SYT1: variants seen among roughly 807,000 people sequenced by gnomAD.
SYT1 encodes the protein synaptotagmin-1.
Under a neutral mutation model 44.8 loss-of-function variants are expected in SYT1, and 8 were observed. The observed-to-expected ratio is 0.18, with a 90% CI of 0.10 to 0.32. The LOEUF (loss-of-function observed/expected upper bound fraction) is 0.32, where lower values mean the gene tolerates loss of function less well. SYT1 is among the 10% of genes least tolerant of loss of function. The pLI, the probability that SYT1 is intolerant of heterozygous loss-of-function variation, is 1.00. For synonymous variants in SYT1, 154 were observed against 188.8 expected (o/e 0.82, Z 1.51); for missense variants, 286 against 509.3 (o/e 0.56, Z 4.22).
chr12:79,264,581 T>C (rs887022885), intron 4 of SYT1, among the ~76,000 whole-genome samples: 1 of 152,186 alleles, frequency 6.6e-6, no homozygotes, highest in Non-Finnish European at 1.5e-5. Context: ...ATTGAGAGTG[T>C]GTTCAAGCAA....
intron 4 of SYT1, among the ~76,000 whole-genome samples, chr12:79,224,037 A>T: frequency 6.6e-6 from 1 of 152,242 alleles, no homozygotes; most frequent in East Asian, 1.9e-4. Flanking sequence ...ACTACCAGTT[A>T]CTGTGAGCTT....
chr12:79,130,916 A>G (rs1042177407), intron 3 of SYT1, among the ~76,000 whole-genome samples: 6 of 152,114 alleles, frequency 3.9e-5, no homozygotes, highest in Non-Finnish European at 7.4e-5. Context: ...AAACAAATAA[A>G]CACTATAATA....
intron 3 of SYT1, among the ~76,000 whole-genome samples, chr12:79,088,621 C>T (rs756009452): frequency 1.3e-5 from 2 of 151,920 alleles, no homozygotes; most frequent in Non-Finnish European, 2.9e-5. Context: ...CAAGAAGGAA[C>T]CTGATCTAAC....
At chr12:79,249,003 A>G (rs1043366639) in intron 4 of SYT1, among the ~76,000 whole-genome samples, 12 of 148,042 alleles carry the variant, frequency 8.1e-5, no homozygotes, top group African/African-American at 3.0e-4. Context: ...AGCATGTTTC[A>G]TCTCCCAGGC....
intron 9 of SYT1, among the ~76,000 whole-genome samples, chr12:79,366,880 T>A (rs1278175650): frequency 6.7e-6 from 1 of 148,514 alleles, no homozygotes; most frequent in Non-Finnish European, 1.5e-5. Context: ...CCTATATGGC[T>A]GATATAAATA....
At chr12:79,089,804 A>G (rs1565801423) in intron 3 of SYT1, among the ~76,000 whole-genome samples, 1 of 152,102 alleles carries the variant, frequency 6.6e-6, no homozygotes. Context: ...CTCCAAATCA[A>G]ATTGAACCCT....
At chr12:79,189,746 A>G (rs1592837488) in intron 3 of SYT1, among the ~76,000 whole-genome samples, 1 of 152,138 alleles carries the variant, frequency 6.6e-6, no homozygotes, top group Non-Finnish European at 1.5e-5. Flanking sequence ...TCTACTAAAA[A>G]TACAAAAATT....
chr12:79,077,902 A>G (rs11834544), intron 3 of SYT1, among the ~76,000 whole-genome samples: 5,883 of 152,120 alleles, frequency 0.039, 237 homozygotes, highest in African/African-American at 0.097. Context: ...ATAAATTTTT[A>G]CATTTAAATT....
At chr12:79,304,280 G>A (rs951282758) in intron 8 of SYT1, among the ~76,000 whole-genome samples, 2 of 152,144 alleles carry the variant, frequency 1.3e-5, no homozygotes, top group Admixed American at 1.3e-4. Flanking sequence ...GTGTCCAAAC[G>A]CCCTTTTTAA....
intron 3 of SYT1, among the ~76,000 whole-genome samples, chr12:79,063,999 C>T (rs927819541): frequency 5.9e-5 from 9 of 152,282 alleles, no homozygotes; most frequent in Non-Finnish European, 8.8e-5. Context: ...ATCTTCTCTA[C>T]TGGACATGAG....
At chr12:79,112,302 G>A (rs1034198742) in intron 3 of SYT1, among the ~76,000 whole-genome samples, 2 of 152,096 alleles carry the variant, frequency 1.3e-5, no homozygotes, top group African/African-American at 4.8e-5. Flanking sequence ...AGATAATAAT[G>A]AGACGTTGAG....
chr12:78,944,489 T>C (rs1227528850), intron 1 of SYT1, among the ~76,000 whole-genome samples: 1 of 152,018 alleles, frequency 6.6e-6, no homozygotes, highest in Non-Finnish European at 1.5e-5. Flanking sequence ...TCATTTTATC[T>C]TGGGAGTTCA....
chr12:79,052,239 T>C (rs1874557888), intron 3 of SYT1, among the ~76,000 whole-genome samples: 1 of 152,068 alleles, frequency 6.6e-6, no homozygotes, highest in South Asian at 2.1e-4. Context: ...GAAGGGGTCC[T>C]TCACATCCCT....
intron 4 of SYT1, among the ~76,000 whole-genome samples, chr12:79,271,846 G>A (rs931735010): frequency 3.9e-5 from 6 of 152,150 alleles, no homozygotes; most frequent in African/African-American, 1.2e-4. Flanking sequence ...ATTTAAGTCG[G>A]TGAGAAAAAC....
At chr12:79,319,720 T>C (rs549030171) in intron 8 of SYT1, among the ~76,000 whole-genome samples, 1 of 152,334 alleles carries the variant, frequency 6.6e-6, no homozygotes, top group South Asian at 2.1e-4. Flanking sequence ...ACTCTTTCCA[T>C]GATATACATA....
chr12:79,299,477 G>A lies in SYT1; in HGVS notation c.736G>A (p.Val246Ile), dbSNP rs1880029249. 2 of 1,613,558 alleles carry A rather than the reference G, an allele frequency of 1.2e-6. No homozygotes were observed. The highest frequency in any genetic ancestry group is 1.3e-5 in the African/African-American group (1 of 74,960). ...SKHDIIGEFK[V>I]PMNTVDFGHV... is the part of the protein sequence containing the mutation. Reference sequence around the variant, plus strand: ...GCATGACATCATTGGAGAATTTAAAGTCCCTATGAACACAGTGGATTTTGG... The same window carrying A: ...GCATGACATCATTGGAGAATTTAAAATCCCTATGAACACAGTGGATTTTGG... Residue 246 changes from valine to isoleucine, a missense_variant, in exon 8 of 11, where the codon GTC becomes ATC. This residue lies in a region of SYT1 where 81 missense variants were observed against 164.9 expected (regional missense o/e 0.49). Coordinates refer to ENST00000261205, the MANE Select transcript of SYT1 (RefSeq NM_005639.3).
intron 3 of SYT1, among the ~76,000 whole-genome samples, chr12:79,167,746 G>A (rs1375280726): frequency 6.6e-6 from 1 of 152,030 alleles, no homozygotes; most frequent in Non-Finnish European, 1.5e-5. Flanking sequence ...TATGCTTATA[G>A]TGTAATACAG....
chr12:78,983,145 G>A (rs1869394128), intron 2 of SYT1, among the ~76,000 whole-genome samples: 1 of 150,290 alleles, frequency 6.7e-6, no homozygotes. Flanking sequence ...GATTCTTACT[G>A]TTTTCAACAT....
At chr12:79,342,439 C>A (rs1293967939) in intron 8 of SYT1, among the ~76,000 whole-genome samples, 7 of 152,150 alleles carry the variant, frequency 4.6e-5, no homozygotes, top group African/African-American at 7.2e-5. Flanking sequence ...CTTCATTGCC[C>A]AGACTGGTCT....
Sources: allele counts gnomAD v4.1 joint callset (sites outside exome capture counted in the v4.1 genomes callset), GRCh38; gene constraint gnomAD v4.1.1; regional missense constraint gnomAD v4.1.1; transcripts MANE v1.5; gene names NCBI Gene and HGNC (gene_info 2026-07-23, HGNC 2026-07-21).